FAM13A: variants seen among roughly 807,000 people sequenced by gnomAD.
The protein encoded by FAM13A is protein FAM13A.
In FAM13A, 76 loss-of-function variants were observed where a neutral mutation model predicts 129.6. The ratio of observed to expected loss-of-function variants is 0.59; its 90% CI spans 0.49 to 0.71. The LOEUF is 0.71. Among genes scored for constraint, FAM13A ranks in the 30% least tolerant of loss-of-function variants. The pLI, the probability that FAM13A is intolerant of heterozygous loss-of-function variation, is 0.00. For missense variants in FAM13A, 1,108 were observed against 1,249.3 expected, an observed-to-expected ratio of 0.89 and a Z score of 1.70; for synonymous variants, 443 against 449.9, an observed-to-expected ratio of 0.98 and a Z score of 0.20.
Position 88,922,585 on chromosome 4 carries a change from C to T in FAM13A, c.759+15503G>A, listed in dbSNP as rs539217649. 1.5e-3 allele frequency among the ~76,000 whole-genome samples: 233 copies of T among 151,760 alleles called. 3 individuals carry two copies. The highest frequency in any genetic ancestry group is 3.1e-3 in the Admixed American group (47 of 15,250). On this transcript the variant is annotated intron_variant, in intron 5 of 23. Coordinates refer to ENST00000264344, the MANE Select transcript of FAM13A (RefSeq NM_014883.4). ...AGGGAAATTTATAGCACTAAATGCCCATAAGAGAAAGCAGGAAAGATCCAA... is the reference window on the plus strand; with the variant it reads ...AGGGAAATTTATAGCACTAAATGCCTATAAGAGAAAGCAGGAAAGATCCAA...
chr4:89,032,246 A>G (rs978435952), intron 1 of FAM13A, among the ~76,000 whole-genome samples: 2 of 141,712 alleles, frequency 1.4e-5, no homozygotes, highest in Non-Finnish European at 3.0e-5. Flanking sequence ...CTCCGTCTCA[A>G]AAAAAAAAAA....
At chr4:88,927,204 T>A (rs781253348) in intron 5 of FAM13A, among the ~76,000 whole-genome samples, 3 of 152,052 alleles carry the variant, frequency 2.0e-5, no homozygotes, top group Admixed American at 6.5e-5. Context: ...TATGTATATT[T>A]TTTTTTTTGT....
At chr4:88,834,267 G>A (rs150317218) in intron 7 of FAM13A, among the ~76,000 whole-genome samples, 32 of 150,176 alleles carry the variant, frequency 2.1e-4, no homozygotes, top group African/African-American at 7.1e-4. Context: ...ATAATTGTTT[G>A]TATGTTTATA....
intron 1 of FAM13A, among the ~76,000 whole-genome samples, chr4:89,050,061 A>G (rs777647756): frequency 6.6e-6 from 1 of 152,238 alleles, no homozygotes; most frequent in Non-Finnish European, 1.5e-5. Flanking sequence ...GAAGTTGAAC[A>G]GATGGTCAGA....
chr4:88,810,833 T>C (rs372958829), intron 7 of FAM13A, among the ~76,000 whole-genome samples: 136 of 152,292 alleles, frequency 8.9e-4, no homozygotes, highest in African/African-American at 2.5e-3. Flanking sequence ...CACGACAGTA[T>C]ACATACATAT....
At chr4:88,959,373 T>C (rs1579502799) in intron 4 of FAM13A, among the ~76,000 whole-genome samples, 1 of 152,270 alleles carries the variant, frequency 6.6e-6, no homozygotes, top group Non-Finnish European at 1.5e-5. Context: ...TGGGGGATGG[T>C]TCCCTCATGA....
At chr4:88,899,404 T>G (rs952239286) in intron 6 of FAM13A, among the ~76,000 whole-genome samples, 1 of 151,908 alleles carries the variant, frequency 6.6e-6, no homozygotes, top group Admixed American at 6.6e-5. Flanking sequence ...GGGTGATAAG[T>G]GAACCAAAAT....
intron 8 of FAM13A, among the ~76,000 whole-genome samples, chr4:88,800,669 A>G (rs918560974): frequency 4.0e-5 from 6 of 149,118 alleles, no homozygotes; most frequent in African/African-American, 1.5e-4. Flanking sequence ...CGGGCGACAG[A>G]GTGAGACTCC....
At chr4:88,962,454 G>A (rs2148919955) in intron 4 of FAM13A, among the ~76,000 whole-genome samples, 1 of 152,294 alleles carries the variant, frequency 6.6e-6, no homozygotes, top group Non-Finnish European at 1.5e-5. Flanking sequence ...TTCCAAAGAG[G>A]AAAGAAAGGA....
chr4:88,813,026 T>A (rs145144093), intron 7 of FAM13A, among the ~76,000 whole-genome samples: 1 of 152,312 alleles, frequency 6.6e-6, no homozygotes, highest in African/African-American at 2.4e-5. Flanking sequence ...CCATCCTTAC[T>A]TAAAGAAAAT....
intron 4 of FAM13A, among the ~76,000 whole-genome samples, chr4:88,957,351 C>T (rs925768865): frequency 6.6e-6 from 1 of 151,978 alleles, no homozygotes; most frequent in Non-Finnish European, 1.5e-5. Context: ...TGTGTGGCAC[C>T]TCCCTCCCAC....
intron 9 of FAM13A, among the ~76,000 whole-genome samples, chr4:88,788,844 T>G (rs1052161517): frequency 2.0e-5 from 3 of 152,106 alleles, no homozygotes; most frequent in South Asian, 4.1e-4. Flanking sequence ...AAACTGTGTT[T>G]TGAGAACTTA....
In FAM13A at chr4:88,767,990, C is replaced by T; in HGVS notation, c.1528G>A (p.Asp510Asn). ...AGACAATTCTAAAATTACCTTTCAT[C>T]AGACATCCATTCAAAATCATCAGGT... ...TGPDDFEWMS[D>N]ERKGNEKDGG... Residue 510 changes from aspartate (D) to asparagine (N), a missense_variant, in exon 12 of 24, where the codon GAT (aspartate) becomes AAT (asparagine). Coordinates refer to ENST00000264344, the MANE Select transcript of FAM13A (RefSeq NM_014883.4). 6.3e-7 allele frequency: 1 copy of T among 1,593,720 alleles called. No individual in the cohort carries two copies.
Position 88,882,600 on chromosome 4 carries a change from GA to G in FAM13A, c.843+23778del, listed in dbSNP as rs61001135. ...CCACCTACAAAACAAAAACACAATG[GA>G]AAAAAAAAAAACAAGGTCTTCAGGC... On this transcript the variant is annotated intron_variant, in intron 6 of 23. Transcript: ENST00000264344. 2.0e-3 allele frequency among the ~76,000 whole-genome samples: 268 copies of G among 137,092 alleles called. 1 individual carries two copies. Among genetic ancestry groups the G allele is most frequent in the Admixed American group, 3.2e-3 (45 of 13,866 alleles). The allele number at this position is 137,092 out of a possible 152,430, so 89.9% of individuals were successfully genotyped here. A position where few individuals can be genotyped will look rare whatever the true frequency, so the allele number is the denominator to read the frequency against.
chr4:88,872,135 C>T (rs1420049021), intron 6 of FAM13A, among the ~76,000 whole-genome samples: 1 of 152,114 alleles, frequency 6.6e-6, no homozygotes, highest in Non-Finnish European at 1.5e-5. Context: ...TACAAGAGCT[C>T]CTGAAGGAAG....
intron 5 of FAM13A, among the ~76,000 whole-genome samples, chr4:88,929,686 T>C (rs572878923): frequency 6.6e-6 from 1 of 152,156 alleles, no homozygotes; most frequent in Non-Finnish European, 1.5e-5. Context: ...ATTGGAGCTT[T>C]CAAATGTATT....
chr4:88,990,664 T>C (rs1762817659), intron 4 of FAM13A: 1 of 250,854 alleles, frequency 4.0e-6, no homozygotes, highest in South Asian at 1.0e-4. Flanking sequence ...CTTCTCTTTC[T>C]GCTAATCAAC....
chr4:88,977,125 C>A lies in FAM13A; in HGVS notation c.605+13848G>T, dbSNP rs572856101. On this transcript the variant is annotated intron_variant, in intron 4 of 23. Transcript: ENST00000264344. ...TAAAGTTGAATTTATAAATGAGGTA[C>A]AGTAAGAGGTTAACAACAATAACTA... 7.2e-5 allele frequency among the ~76,000 whole-genome samples: 11 copies of A among 152,184 alleles called. No homozygotes were observed. The South Asian group carries it at 2.1e-3, about 29-fold the overall frequency.
intron 8 of FAM13A, among the ~76,000 whole-genome samples, chr4:88,800,129 TGGTTG>T (rs1379178971): frequency 6.6e-6 from 1 of 152,128 alleles, no homozygotes; most frequent in South Asian, 2.1e-4. Flanking sequence ...AGTGAAATGG[TGGTTG>T]CCAGGGGATA....
Sources: allele counts gnomAD v4.1 joint callset (sites outside exome capture counted in the v4.1 genomes callset), GRCh38; gene constraint gnomAD v4.1.1; transcripts MANE v1.5; gene names NCBI Gene and HGNC (gene_info 2026-07-23, HGNC 2026-07-21).